The following ATP8B1 variants were observed in gnomAD, a reference collection of about 807,000 sequenced individuals.
The protein encoded by ATP8B1 is phospholipid-transporting ATPase IC.
A neutral mutation model predicts 149.9 loss-of-function variants in ATP8B1; 80 were observed. The observed-to-expected ratio is 0.53, with a 90% CI of 0.45 to 0.64. The LOEUF is 0.64. ATP8B1 is among the 30% of genes least tolerant of loss of function. The probability of loss-of-function intolerance (pLI) is 0.00; values close to 1 mark genes in which losing one functional copy is unlikely to be tolerated. For missense variants in ATP8B1, 1,247 were observed against 1,552.6 expected, an observed-to-expected ratio of 0.80 and a Z score of 3.31; for synonymous variants, 536 against 562.8, an observed-to-expected ratio of 0.95 and a Z score of 0.67.
intron 1 of ATP8B1, among the ~76,000 whole-genome samples, chr18:57,781,975 C>T (rs918647970): frequency 2.0e-5 from 3 of 152,254 alleles, no homozygotes; most frequent in African/African-American, 2.4e-5. Context: ...GGCAACAGAG[C>T]GAGAACCCAT....
chr18:57,791,922 G>A (rs1048694140), intron 1 of ATP8B1, among the ~76,000 whole-genome samples: 1 of 152,162 alleles, frequency 6.6e-6, no homozygotes, highest in African/African-American at 2.4e-5. Context: ...CTGAGGGGAA[G>A]GGCATGTCTG....
At chr18:57,717,645 A>G (rs985046076) in intron 2 of ATP8B1, among the ~76,000 whole-genome samples, 2 of 151,320 alleles carry the variant, frequency 1.3e-5, no homozygotes, top group African/African-American at 4.8e-5. Context: ...AAGAAATAAT[A>G]AAGATCAAAG....
rs368224349 is a variant in ATP8B1, at chr18:57,697,778, A to G, written c.627+17T>C. The G allele has an allele frequency of 1.2e-6, 2 of 1,613,406 alleles. No individual in the cohort carries two copies. Among genetic ancestry groups the G allele is most frequent in the Non-Finnish European group, 1.7e-6 (2 of 1,179,352 alleles). ...GGGGAGAACAAGGAACAAGAGAAGC[A>G]GAATTTGTTCACTTACTGGAACAAA... On this transcript the variant is annotated intron_variant, in intron 7 of 27. Transcript: ENST00000648908.
chr18:57,785,408 G>A (rs1038817916), intron 1 of ATP8B1, among the ~76,000 whole-genome samples: 7 of 152,292 alleles, frequency 4.6e-5, no homozygotes, highest in South Asian at 4.1e-4. Context: ...ACAAATTCCC[G>A]ATATTTTTGT....
At chr18:57,722,010 C>T (rs1309335976) in intron 2 of ATP8B1, among the ~76,000 whole-genome samples, 8 of 133,526 alleles carry the variant, frequency 6.0e-5, no homozygotes, top group African/African-American at 1.2e-4. Context: ...GGGTACATAA[C>T]GAAATGAAGG....
chr18:57,648,446 T>A lies in ATP8B1; in HGVS notation c.*42A>T, dbSNP rs757008562. 6.2e-7 allele frequency: 1 copy of A among 1,600,854 alleles called. No individual in the cohort carries two copies. The highest frequency in any genetic ancestry group is 8.5e-7 in the Non-Finnish European group (1 of 1,171,134). On this transcript the variant is annotated 3_prime_UTR_variant, in exon 28 of 28. Coordinates refer to ENST00000648908, the MANE Select transcript of ATP8B1 (RefSeq NM_001374385.1). ...GTCCTGAGAGTCTTTCATAAAAAAATAGACGTGCTTTGTGGCCGCATCCCA... is the reference window on the plus strand; with the variant it reads ...GTCCTGAGAGTCTTTCATAAAAAAAAAGACGTGCTTTGTGGCCGCATCCCA...
At chr18:57,775,404 C>T (rs938915297) in intron 1 of ATP8B1, among the ~76,000 whole-genome samples, 2 of 143,738 alleles carry the variant, frequency 1.4e-5, no homozygotes, top group Admixed American at 7.1e-5. Context: ...AGGAGAGGGG[C>T]GGAATGGAGG....
In ATP8B1 at chr18:57,714,949, A is replaced by G. The variant is rs201551169; in HGVS notation, c.182-8362T>C. ...AACATGACTTCACCAAACAAACTAA[A>G]TAAGACACCAGGGGCCAAACCTGCA... On this transcript the variant is annotated intron_variant, in intron 2 of 27. Coordinates refer to ENST00000648908, the MANE Select transcript of ATP8B1 (RefSeq NM_001374385.1). Among the ~76,000 whole-genome samples, 8 of 152,298 alleles carry G rather than the reference A, an allele frequency of 5.3e-5. No individual in the cohort carries two copies. In the East Asian group the frequency reaches 1.5e-3, roughly 29 times the overall value.
chr18:57,731,875 C>T, intron 1 of ATP8B1, 43 bp from the exon 2 acceptor site: 1 of 1,590,560 alleles, frequency 6.3e-7, no homozygotes, highest in Non-Finnish European at 8.6e-7. Flanking sequence ...GACTCTTGCC[C>T]AGTTTTTGGT....
rs1346699653 is a variant in ATP8B1, at chr18:57,647,752, A to C, written c.*736T>G. The C allele has an allele frequency of 6.5e-6, 1 of 153,384 alleles. No individual in the cohort carries two copies. The highest frequency in any genetic ancestry group is 1.5e-5 in the Non-Finnish European group (1 of 68,758). The allele number at this position is 153,384 out of a possible 1,614,324, so 9.5% of individuals were successfully genotyped here. A position where few individuals can be genotyped will look rare whatever the true frequency, so the allele number is the denominator to read the frequency against. ...AATAGGACTTTTATTATTATTAAAA[A>C]ATTTTTTTTGAGCTGGTGTCTCACT... On this transcript the variant is annotated 3_prime_UTR_variant, in exon 28 of 28. Coordinates refer to ENST00000648908, the MANE Select transcript of ATP8B1 (RefSeq NM_001374385.1).
intron 1 of ATP8B1, among the ~76,000 whole-genome samples, chr18:57,787,664 CT>C (rs1371876241): frequency 1.3e-5 from 2 of 152,158 alleles, no homozygotes; most frequent in Non-Finnish European, 2.9e-5. Context: ...CCATTGGTTA[CT>C]GATATTTACT....
At chr18:57,792,708 C>A (rs1441341935) in intron 1 of ATP8B1, among the ~76,000 whole-genome samples, 1 of 152,008 alleles carries the variant, frequency 6.6e-6, no homozygotes, top group African/African-American at 2.4e-5. Flanking sequence ...ATACTAAGAA[C>A]CATTGAATTG....
intron 1 of ATP8B1, among the ~76,000 whole-genome samples, chr18:57,801,295 T>A (rs1196649387): frequency 6.6e-6 from 1 of 152,120 alleles, no homozygotes; most frequent in African/African-American, 2.4e-5. Flanking sequence ...ATGAACAAAG[T>A]GGTTAATGTT....
rs925052545 is a variant in ATP8B1, at chr18:57,653,908, A to G, written c.3015+84T>C. On this transcript the variant is annotated intron_variant, in intron 24 of 27. Transcript: ENST00000648908. ...TGATCAGAAAGAAGTAAACACCAGA[A>G]GAATGCATTGAAACGTTTGCTTGGG... The G allele has an allele frequency of 2.5e-6, 3 of 1,221,138 alleles. No homozygotes were observed. The East Asian group carries it at 7.2e-5, about 29-fold the overall frequency. The allele number at this position is 1,221,138 out of a possible 1,614,324, so 75.6% of individuals were successfully genotyped here.
At chr18:57,719,366 G>A (rs554108826) in intron 2 of ATP8B1, among the ~76,000 whole-genome samples, 36 of 152,328 alleles carry the variant, frequency 2.4e-4, no homozygotes, top group Non-Finnish European at 4.4e-4. Flanking sequence ...ATCTCACTAG[G>A]GAGTGCCAGA....
chr18:57,728,094 C>T (rs2079726335), intron 2 of ATP8B1, among the ~76,000 whole-genome samples: 1 of 152,092 alleles, frequency 6.6e-6, no homozygotes. Flanking sequence ...ATGGGTCTCT[C>T]AAAGCACTTG....
intron 20 of ATP8B1, among the ~76,000 whole-genome samples, chr18:57,663,850 T>A (rs1568184779): frequency 7.2e-6 from 1 of 139,662 alleles, no homozygotes; most frequent in African/African-American, 2.6e-5. Flanking sequence ...CACTGCAACA[T>A]CCACCTCCTA....
chr18:57,764,757 C>T (rs10469208), intron 1 of ATP8B1, among the ~76,000 whole-genome samples: 1 of 104,156 alleles, frequency 9.6e-6, no homozygotes, highest in African/African-American at 3.5e-5. Flanking sequence ...TTTCAGTTGT[C>T]AAAAAAAAAA....
At chr18:57,795,532 A>C (rs1241963051) in intron 1 of ATP8B1, among the ~76,000 whole-genome samples, 1 of 152,244 alleles carries the variant, frequency 6.6e-6, no homozygotes, top group East Asian at 1.9e-4. Flanking sequence ...GCCCTAAAAA[A>C]GGAAGGAAAT....
Sources: allele counts gnomAD v4.1 joint callset (sites outside exome capture counted in the v4.1 genomes callset), GRCh38; gene constraint gnomAD v4.1.1; transcripts MANE v1.5; gene names NCBI Gene and HGNC (gene_info 2026-07-23, HGNC 2026-07-21).